Variants in ARHGAP42 observed in about 807,000 individuals in gnomAD.
ARHGAP42 encodes the protein Rho GTPase activating protein 42.
A neutral mutation model predicts 125.0 loss-of-function variants in ARHGAP42; 63 were observed. The observed-to-expected ratio is 0.50, with a 90% confidence interval of 0.41 to 0.62. The LOEUF is 0.62. Among genes scored for constraint, ARHGAP42 ranks in the 20% least tolerant of loss-of-function variants. The probability of loss-of-function intolerance (pLI) is 0.00; values close to 1 mark genes in which losing one functional copy is unlikely to be tolerated. For missense variants in ARHGAP42, 766 were observed against 1,024.2 expected (o/e 0.75, Z 3.44); for synonymous variants, 339 against 351.0 (o/e 0.97, Z 0.38).
chr11:100,733,066 G>A (rs1861988218), intron 1 of ARHGAP42, among the ~76,000 whole-genome samples: 1 of 152,150 alleles, frequency 6.6e-6, no homozygotes, highest in Non-Finnish European at 1.5e-5. Flanking sequence ...TAAAGCCTGG[G>A]ATTTAGCATA....
chr11:100,785,237 A>C (rs1188135237), intron 2 of ARHGAP42, among the ~76,000 whole-genome samples: 1 of 152,172 alleles, frequency 6.6e-6, no homozygotes. Context: ...ACAGGAGACA[A>C]GTTGAAGAGA....
chr11:100,790,756 A>G (rs903429081), intron 2 of ARHGAP42, among the ~76,000 whole-genome samples: 6 of 152,222 alleles, frequency 3.9e-5, no homozygotes, highest in African/African-American at 1.4e-4. Flanking sequence ...GTTTTGGAAT[A>G]TATCTCTGAC....
chr11:100,791,550 T>A (rs1400266989), intron 2 of ARHGAP42, among the ~76,000 whole-genome samples: 1 of 150,792 alleles, frequency 6.6e-6, no homozygotes, highest in Non-Finnish European at 1.5e-5. Context: ...GTCCTCAACT[T>A]TTTTTTTTAA....
chr11:100,704,421 A>G (rs1213757541), intron 1 of ARHGAP42, among the ~76,000 whole-genome samples: 1 of 152,192 alleles, frequency 6.6e-6, no homozygotes, highest in Non-Finnish European at 1.5e-5. Flanking sequence ...CAGATCCTGA[A>G]TAATCCTGAA....
At chr11:100,837,628 G>A (rs1055842865) in intron 3 of ARHGAP42, among the ~76,000 whole-genome samples, 9 of 141,700 alleles carry the variant, frequency 6.4e-5, no homozygotes, top group Non-Finnish European at 1.1e-4. Flanking sequence ...AGGTTTTCCC[G>A]GAAATTCACA....
chr11:100,811,753 G>A (rs113692841), intron 3 of ARHGAP42, among the ~76,000 whole-genome samples: 5,379 of 152,114 alleles, frequency 0.035, 95 homozygotes, highest in African/African-American at 0.069. Flanking sequence ...GCCTGCCTCG[G>A]CCTCCCAAAG....
intron 4 of ARHGAP42, among the ~76,000 whole-genome samples, chr11:100,872,650 C>T (rs1865724599): frequency 6.6e-6 from 1 of 152,130 alleles, no homozygotes; most frequent in Non-Finnish European, 1.5e-5. Flanking sequence ...GCCTCAGCCT[C>T]CCAAAGTGCT....
In ARHGAP42 at chr11:100,813,425, G is replaced by A. The variant is rs182851333; in HGVS notation, c.312+18259G>A. The stretch of plus-strand genomic sequence containing the variant: ...ATGGAGGGACTGTAGGGGGTAACAG[G>A]TGTGGTGAGTGTTATCAAGCATTTT... On this transcript the variant is annotated intron_variant, in intron 3 of 23. Coordinates refer to ENST00000298815, the MANE Select transcript of ARHGAP42 (RefSeq NM_152432.4). Among the ~76,000 whole-genome samples, 136 of 152,350 alleles carry A rather than the reference G, an allele frequency of 8.9e-4. 1 individual carries two copies. The highest frequency in any genetic ancestry group is 3.2e-3 in the African/African-American group (131 of 41,576).
At chr11:100,739,646 T>C (rs1368748855) in intron 1 of ARHGAP42, among the ~76,000 whole-genome samples, 1 of 152,208 alleles carries the variant, frequency 6.6e-6, no homozygotes, top group Non-Finnish European at 1.5e-5. Flanking sequence ...ATTCTGTGTA[T>C]CTATACTTTG....
chr11:100,697,515 T>G (rs1279283952), intron 1 of ARHGAP42, among the ~76,000 whole-genome samples: 3 of 152,204 alleles, frequency 2.0e-5, no homozygotes, highest in African/African-American at 4.8e-5. Flanking sequence ...TATTTCCTCA[T>G]GCAAATCTAA....
At chr11:100,827,510 G>A (rs1309263375) in intron 3 of ARHGAP42, among the ~76,000 whole-genome samples, 20 of 152,148 alleles carry the variant, frequency 1.3e-4, no homozygotes, top group Admixed American at 1.3e-3. Context: ...GGATCCCAAG[G>A]GCCTGTTGGT....
chr11:100,740,200 A>G (rs1286628583), intron 1 of ARHGAP42, among the ~76,000 whole-genome samples: 1 of 151,528 alleles, frequency 6.6e-6, no homozygotes, highest in Non-Finnish European at 1.5e-5. Context: ...CTCTTGTTTC[A>G]TGACTTTTAT....
chr11:100,974,253 C>T (rs1225936514), intron 18 of ARHGAP42, among the ~76,000 whole-genome samples: 1 of 152,084 alleles, frequency 6.6e-6, no homozygotes, highest in East Asian at 1.9e-4. Context: ...ATTGAAAGAT[C>T]TTCTAGATTT....
chr11:100,898,904 TC>T (rs1221091396), intron 4 of ARHGAP42, among the ~76,000 whole-genome samples: 1 of 152,180 alleles, frequency 6.6e-6, no homozygotes, highest in African/African-American at 2.4e-5. Context: ...TGTTTGCTCT[TC>T]CTTCTCTAGT....
At chr11:100,766,911 T>A (rs1565205088) in intron 1 of ARHGAP42, among the ~76,000 whole-genome samples, 3 of 152,178 alleles carry the variant, frequency 2.0e-5, no homozygotes, top group Admixed American at 1.3e-4. Flanking sequence ...ATCCTGTCTC[T>A]CATTATGCTT....
chr11:100,777,731 C>A (rs1863164757), intron 2 of ARHGAP42, among the ~76,000 whole-genome samples: 1 of 151,876 alleles, frequency 6.6e-6, no homozygotes, highest in South Asian at 2.1e-4. Context: ...AATAATTTTT[C>A]TTAAAAAAAA....
intron 1 of ARHGAP42, among the ~76,000 whole-genome samples, chr11:100,701,560 G>T (rs1489784922): frequency 6.6e-6 from 1 of 152,172 alleles, no homozygotes; most frequent in Non-Finnish European, 1.5e-5. Flanking sequence ...GTTTCACCTT[G>T]CTCATTTATA....
chr11:100,867,961 A>T (rs1865610590), intron 4 of ARHGAP42, among the ~76,000 whole-genome samples: 1 of 152,250 alleles, frequency 6.6e-6, no homozygotes. Flanking sequence ...TTAGCAAAGC[A>T]GGCAGAACAC....
At position 100,800,634 on chromosome 11, in the gene ARHGAP42, G is replaced by T. The variant is rs141501895; in HGVS notation, c.312+5468G>T. Among the ~76,000 whole-genome samples the T allele has an allele frequency of 7.9e-5, 12 of 152,274 alleles. No individual in the cohort carries two copies. In the East Asian group the frequency reaches 2.1e-3, roughly 27 times the overall value. On this transcript the variant is annotated intron_variant, in intron 3 of 23. Transcript: ENST00000298815. ...ACCACCCATTTCTTAGTGTTTCAAA[G>T]ATCTTCATTTCATTTCTTCTTTTGG...
Sources: allele counts gnomAD v4.1 joint callset (sites outside exome capture counted in the v4.1 genomes callset), GRCh38; gene constraint gnomAD v4.1.1; transcripts MANE v1.5; gene names NCBI Gene and HGNC (gene_info 2026-07-23, HGNC 2026-07-21).